SMURF2: variants seen among roughly 807,000 people sequenced by gnomAD.
SMURF2 encodes SMAD specific E3 ubiquitin protein ligase 2.
Under a neutral mutation model 109.6 loss-of-function variants are expected in SMURF2, and 48 were observed. The ratio of observed to expected loss-of-function variants is 0.44; its 90% CI spans 0.35 to 0.56. The LOEUF (loss-of-function observed/expected upper bound fraction) is 0.56. Among genes scored for constraint, SMURF2 ranks in the 20% least tolerant of loss-of-function variants. The probability of loss-of-function intolerance (pLI) is 0.01; values close to 1 mark genes in which losing one functional copy is unlikely to be tolerated. For synonymous variants in SMURF2, 288 were observed against 317.1 expected (o/e 0.91, Z 0.97); for missense variants, 575 against 909.0 (o/e 0.63, Z 4.72).
intron 1 of SMURF2, among the ~76,000 whole-genome samples, chr17:64,625,092 C>T (rs782738307): frequency 2.6e-5 from 4 of 152,202 alleles, no homozygotes; most frequent in Admixed American, 6.5e-5. Context: ...GTTCTCCTGA[C>T]TCTAGGGGGC....
chr17:64,564,860 C>T (rs970776491), intron 10 of SMURF2, among the ~76,000 whole-genome samples: 6 of 152,054 alleles, frequency 3.9e-5, no homozygotes, highest in Non-Finnish European at 5.9e-5. Context: ...CCATCCAGTT[C>T]GTGGTATTTT....
chr17:64,547,925 T>C lies in SMURF2; in HGVS notation c.1870-124A>G. ...GGTGGTTCCTAATTAAAGATGCACA[T>C]CAGAATCATCTGAAAAGCTTTTCAA... On this transcript the variant is annotated intron_variant, in intron 16 of 18. Coordinates refer to ENST00000262435, the MANE Select transcript of SMURF2 (RefSeq NM_022739.4). This position sits in a 1 kb window ranked among gnomAD's most constrained non-coding sequence, Gnocchi z 4.2. 1 of 743,136 alleles carries C rather than the reference T, an allele frequency of 1.3e-6. No homozygotes were observed. Among genetic ancestry groups the C allele is most frequent in the Non-Finnish European group, 2.2e-6 (1 of 446,738 alleles). 46.0% of individuals were successfully genotyped at this position (743,136 alleles called of 1,614,324 possible). A position where few individuals can be genotyped will look rare whatever the true frequency, so the allele number is the denominator to read the frequency against.
intron 1 of SMURF2, among the ~76,000 whole-genome samples, chr17:64,641,342 G>C (rs1970490305): frequency 6.6e-6 from 1 of 151,930 alleles, no homozygotes; most frequent in Non-Finnish European, 1.5e-5. Context: ...AGAATAAATA[G>C]TCCAACCCCC....
At chr17:64,549,077 A>G (rs1346088711) in intron 16 of SMURF2, among the ~76,000 whole-genome samples, 1 of 151,886 alleles carries the variant, frequency 6.6e-6, no homozygotes, top group African/African-American at 2.4e-5. Context: ...TGAGGTCAGG[A>G]GTTCAAGACC....
Position 64,662,013 on chromosome 17 carries a change from G to C in SMURF2, c.-133C>G, listed in dbSNP as rs1021204289. The C allele has an allele frequency of 6.2e-5, 69 of 1,113,424 alleles. No individual in the cohort carries two copies. Among genetic ancestry groups the C allele is most frequent in the Non-Finnish European group, 7.2e-5 (66 of 912,656 alleles). 69.0% of individuals were successfully genotyped at this position (1,113,424 alleles called of 1,614,324 possible). On this transcript the variant is annotated 5_prime_UTR_variant, in exon 1 of 19. The change creates a new upstream start codon in the 5' untranslated region. Coordinates refer to ENST00000262435, the MANE Select transcript of SMURF2 (RefSeq NM_022739.4). The stretch of plus-strand genomic sequence containing the variant: ...CGGCCGCCACGGCCGGAGGGTCCCG[G>C]ATGTGCCGAGAGTCGTCGCCATGAG...
intron 4 of SMURF2, among the ~76,000 whole-genome samples, chr17:64,592,484 T>C (rs1261740606): frequency 6.6e-6 from 1 of 152,186 alleles, no homozygotes; most frequent in Admixed American, 6.5e-5. Context: ...ACAAGGTCAA[T>C]ATATACCTAT....
At chr17:64,554,812 G>T in intron 15 of SMURF2, 44 bp downstream of exon 15, 3 of 1,582,918 alleles carry the variant, frequency 1.9e-6, no homozygotes, top group Non-Finnish European at 2.6e-6. Context: ...TAACATTCTA[G>T]AACATTTTAA....
At chr17:64,631,215 G>GGGAC (rs1274629397) in intron 1 of SMURF2, among the ~76,000 whole-genome samples, 1 of 140,142 alleles carries the variant, frequency 7.1e-6, no homozygotes, top group East Asian at 2.3e-4. Flanking sequence ...AAGGGAGAGA[G>GGGAC]GGACGGGGGT....
At chr17:64,650,070 C>G (rs1405004560) in intron 1 of SMURF2, among the ~76,000 whole-genome samples, 1 of 151,948 alleles carries the variant, frequency 6.6e-6, no homozygotes, top group African/African-American at 2.4e-5. Context: ...AAAATATAAT[C>G]GGTTTTCACC....
intron 5 of SMURF2, 70 bp downstream of exon 5, chr17:64,591,013 AT>A: frequency 8.8e-7 from 1 of 1,130,048 alleles, no homozygotes; most frequent in Non-Finnish European, 1.3e-6. Flanking sequence ...TTATACTTTG[AT>A]TTAAAAGGTA....
rs75814410 is a variant in SMURF2, at chr17:64,562,833, A to C, written c.1150T>G (p.Ser384Ala). 2.5e-6 allele frequency: 4 copies of C among 1,614,010 alleles called. No homozygotes were observed. The highest frequency in any genetic ancestry group is 2.5e-6 in the Non-Finnish European group (3 of 1,180,018). The stretch of plus-strand genomic sequence containing the variant: ...TGACCTGCCTGAGGCTGTTGTTGGG[A>C]AAGTTCTTGCCGCAAAATTTTTAGT... Reference protein sequence around the residue: ...QKLKILRQELSQQQPQAGHCR... With the variant: ...QKLKILRQELAQQQPQAGHCR... The change falls in exon 11 of 19, where the codon TCC (serine) becomes GCC (alanine). Residue 384 changes from serine (S) to alanine (A), a missense_variant. Physicochemically the swap from Ser to Ala is moderately conservative, Grantham distance 99. Around this residue, in one of 5 missense-constraint regions of SMURF2, gnomAD observed 361 missense variants for 612.1 expected, o/e 0.59. Transcript: ENST00000262435.
At position 64,580,985 on chromosome 17, in the gene SMURF2, T is replaced by C; in HGVS notation, c.576A>G (p.Ala192=). 6.2e-7 allele frequency: 1 copy of C among 1,614,134 alleles called. No homozygotes were observed. Residue 192 remains alanine, a synonymous_variant, in exon 8 of 19, where the codon GCA becomes GCG. Coordinates refer to ENST00000262435, the MANE Select transcript of SMURF2 (RefSeq NM_022739.4). ...TTQWERPTRP[A]SEYSSPGRPL... is the part of the protein sequence containing the mutation. ...GTCTGCCAGGGCTAGAATATTCGGA[T>C]GCCGGTCTATTGAAAATTAACAAGG...
At chr17:64,652,076 T>TA (rs748613226) in intron 1 of SMURF2, among the ~76,000 whole-genome samples, 1 of 152,112 alleles carries the variant, frequency 6.6e-6, no homozygotes, top group Non-Finnish European at 1.5e-5. Flanking sequence ...AACAGACACT[T>TA]ACGTTAAGTC....
intron 1 of SMURF2, 61 bp downstream of exon 1, chr17:64,661,768 G>A: frequency 8.5e-6 from 10 of 1,170,348 alleles, no homozygotes; most frequent in Non-Finnish European, 1.1e-5. Flanking sequence ...AAGGCCACAG[G>A]CACCCCCCGC....
intron 5 of SMURF2, among the ~76,000 whole-genome samples, chr17:64,589,251 A>G (rs563353596): frequency 7.2e-5 from 11 of 152,298 alleles, no homozygotes; most frequent in African/African-American, 2.6e-4. Flanking sequence ...AAAGTTTGCT[A>G]TTTATATAAA....
chr17:64,636,601 T>TAAAAAA (rs1970419247), intron 1 of SMURF2, among the ~76,000 whole-genome samples: 1 of 51,564 alleles, frequency 1.9e-5, no homozygotes, highest in Non-Finnish European at 3.1e-5. Flanking sequence ...AGACTCTGCC[T>TAAAAAA]CAAAAAAAAA....
chr17:64,588,903 G>A (rs1969709491), intron 5 of SMURF2, among the ~76,000 whole-genome samples: 2 of 152,104 alleles, frequency 1.3e-5, no homozygotes, highest in Non-Finnish European at 2.9e-5. Flanking sequence ...GATTACAGAC[G>A]TGAGCCACTG....
At chr17:64,643,332 T>C (rs1555692735) in intron 1 of SMURF2, among the ~76,000 whole-genome samples, 1 of 152,154 alleles carries the variant, frequency 6.6e-6, no homozygotes, top group East Asian at 1.9e-4. Context: ...CTAAATTGAA[T>C]TTTAAATCAA....
chr17:64,627,530 AC>A (rs1970284301), intron 1 of SMURF2, among the ~76,000 whole-genome samples: 1 of 152,144 alleles, frequency 6.6e-6, no homozygotes, highest in South Asian at 2.1e-4. Flanking sequence ...TCTCCATTAG[AC>A]CACTTTTCAA....
Sources: allele counts gnomAD v4.1 joint callset (sites outside exome capture counted in the v4.1 genomes callset), GRCh38; gene constraint gnomAD v4.1.1; regional missense constraint gnomAD v4.1.1; non-coding constraint Gnocchi (gnomAD v3.1); transcripts MANE v1.5; gene names NCBI Gene and HGNC (gene_info 2026-07-23, HGNC 2026-07-21).